Variants in FAM240B observed in about 807,000 individuals in gnomAD.
FAM240B encodes the protein protein FAM240B.
chr9:38,708,334 C>T (rs1821214905), intron 1 of FAM240B, among the ~76,000 whole-genome samples: 1 of 152,180 alleles, frequency 6.6e-6, no homozygotes, highest in Admixed American at 6.5e-5. Flanking sequence ...TGCTTCTGCA[C>T]CCAAGCATGC....
At chr9:38,711,650 T>A (rs10973990) in intron 1 of FAM240B, among the ~76,000 whole-genome samples, 1 of 139,572 alleles carries the variant, frequency 7.2e-6, no homozygotes, top group Non-Finnish European at 1.6e-5. Context: ...TCCCTCTCTC[T>A]TTCTTCTTCT....
intron 2 of FAM240B, among the ~76,000 whole-genome samples, chr9:38,700,139 T>C (rs2119000168): frequency 6.6e-6 from 1 of 152,330 alleles, no homozygotes; most frequent in South Asian, 2.1e-4. Flanking sequence ...GCATTTCCTA[T>C]CCTTTCAGTT....
At chr9:38,713,647 G>C (rs569081127) in intron 1 of FAM240B, among the ~76,000 whole-genome samples, 1 of 152,290 alleles carries the variant, frequency 6.6e-6, no homozygotes, top group Admixed American at 6.5e-5. Context: ...TGAGTGTGCT[G>C]TAATTATGTA....
chr9:38,718,763 T>G (rs114106011), intron 1 of FAM240B, among the ~76,000 whole-genome samples: 4,515 of 151,082 alleles, frequency 0.03, 222 homozygotes, highest in African/African-American at 0.1. Flanking sequence ...AAAAAAAAAA[T>G]GTTCAAAGTC....
chr9:38,697,339 G>A (rs1349807191), intron 2 of FAM240B, among the ~76,000 whole-genome samples: 3 of 152,186 alleles, frequency 2.0e-5, no homozygotes, highest in African/African-American at 7.2e-5. Flanking sequence ...GCCCGTCCCA[G>A]CAAACTGCAG....
chr9:38,704,447 A>T (rs1821165628), intron 1 of FAM240B, among the ~76,000 whole-genome samples: 1 of 152,112 alleles, frequency 6.6e-6, no homozygotes, highest in Admixed American at 6.6e-5. Flanking sequence ...GTATTTTTAA[A>T]ATTTTCTTTT....
intron 1 of FAM240B, among the ~76,000 whole-genome samples, chr9:38,712,062 T>C (rs778076929): frequency 1.3e-5 from 2 of 152,164 alleles, no homozygotes; most frequent in African/African-American, 4.8e-5. Context: ...GGCAGTATAT[T>C]TGAGTCTTAG....
intron 1 of FAM240B, among the ~76,000 whole-genome samples, chr9:38,712,238 T>G (rs893781350): frequency 1.3e-5 from 2 of 152,168 alleles, no homozygotes; most frequent in African/African-American, 4.8e-5. Context: ...CTGAATTCAC[T>G]GCAGTGACAC....
intron 2 of FAM240B, among the ~76,000 whole-genome samples, chr9:38,701,917 C>CAT (rs386414952): frequency 6.6e-6 from 1 of 152,108 alleles, no homozygotes; most frequent in Non-Finnish European, 1.5e-5. Context: ...AACACACACA[C>CAT]ACACACAATC....
At position 38,713,274 on chromosome 9, in the gene FAM240B, C is replaced by G. The variant is rs771534342; in HGVS notation, c.-4+6748G>C. On this transcript the variant is annotated intron_variant, in intron 1 of 2. Transcript: ENST00000637493. ...CAGACGGATCACGAGGTCAGGAGAT[C>G]GAGACCATCCTGGCTAACACGGTGA... 3.9e-5 allele frequency among the ~76,000 whole-genome samples: 6 copies of G among 152,008 alleles called. No individual in the cohort carries two copies. In the South Asian group the frequency reaches 6.2e-4, roughly 16 times the overall value.
At chr9:38,707,604 TAAAAAAAACAAA>T (rs369458164) in intron 1 of FAM240B, among the ~76,000 whole-genome samples, 5,034 of 104,176 alleles carry the variant, frequency 0.048, 279 homozygotes, top group African/African-American at 0.15. Context: ...CCGTCTCTAC[TAAAAAAAACAAA>T]AAAAAAAAAC....
intron 2 of FAM240B, among the ~76,000 whole-genome samples, chr9:38,700,805 T>C (rs565495561): frequency 2.6e-5 from 4 of 152,328 alleles, no homozygotes; most frequent in African/African-American, 9.6e-5. Flanking sequence ...ACCCACTTTG[T>C]CTTGTGATCT....
In FAM240B at chr9:38,703,921, T is replaced by G; in HGVS notation, c.79A>C (p.Ile27Leu). The change falls in exon 2 of 3, where the codon ATT becomes CTT. Residue 27 changes from isoleucine (I) to leucine (L), a missense_variant. By Grantham distance (5) the Ile-to-Leu change is conservative. Coordinates refer to ENST00000637493, the MANE Select transcript of FAM240B (RefSeq NM_001394922.1). ...TCTCGGTAAAAAGTCTGTTTGCTAA[T>G]TTCTTTTTCCCAGAAGCTTTTGAGC... ...HELKSFWEKE[I>L]SKQTFYRELE... 1 of 400,652 alleles carries G rather than the reference T, an allele frequency of 2.5e-6. No individual in the cohort carries two copies. Among genetic ancestry groups the G allele is most frequent in the Non-Finnish European group, 4.4e-6 (1 of 226,148 alleles). 24.8% of individuals were successfully genotyped at this position (400,652 alleles called of 1,614,324 possible).
intron 1 of FAM240B, 133 bp from the exon 2 acceptor site, chr9:38,704,135 G>C (rs990390952): frequency 3.4e-5 from 13 of 386,552 alleles, no homozygotes; most frequent in Non-Finnish European, 4.9e-5. Flanking sequence ...GGTGACTGTA[G>C]ACACATCACA....
intron 1 of FAM240B, among the ~76,000 whole-genome samples, chr9:38,712,933 A>T (rs1362695869): frequency 3.3e-5 from 5 of 152,084 alleles, no homozygotes; most frequent in African/African-American, 1.2e-4. Context: ...TTTAGGGAAA[A>T]GTTCGTGTGC....
chr9:38,703,520 C>G (rs865819785), intron 2 of FAM240B, among the ~76,000 whole-genome samples: 13 of 152,176 alleles, frequency 8.5e-5, no homozygotes, highest in African/African-American at 3.1e-4. Flanking sequence ...TCATAGAAAC[C>G]CCAATAAAGA....
intron 2 of FAM240B, among the ~76,000 whole-genome samples, chr9:38,698,247 T>A (rs917050882): frequency 6.6e-6 from 1 of 152,252 alleles, no homozygotes; most frequent in Non-Finnish European, 1.5e-5. Context: ...GGAAATATTC[T>A]TTCAGTACTA....
At chr9:38,708,295 A>G (rs1390024064) in intron 1 of FAM240B, among the ~76,000 whole-genome samples, 1 of 151,994 alleles carries the variant, frequency 6.6e-6, no homozygotes, top group African/African-American at 2.4e-5. Context: ...CCTCCTTCCT[A>G]CGCTGTCTCA....
intron 2 of FAM240B, among the ~76,000 whole-genome samples, chr9:38,703,538 T>C (rs1821153486): frequency 6.6e-6 from 1 of 152,232 alleles, no homozygotes; most frequent in African/African-American, 2.4e-5. Flanking sequence ...AGACTCTGGC[T>C]AAGAGGTTCC....
Sources: gnomAD v4.1 joint callset for allele counts (sites outside exome capture counted in the v4.1 genomes callset) on GRCh38, gnomAD v4.1.1 for gene constraint, MANE v1.5 for transcripts, NCBI Gene and HGNC (gene_info 2026-07-23, HGNC 2026-07-21) for gene names.